Variants in COL18A1 observed in about 807,000 individuals in gnomAD.
COL18A1 encodes the protein collagen type XVIII alpha 1 chain, also known as collagen alpha-1(XVIII) chain.
In COL18A1, 133 loss-of-function variants were observed where a neutral mutation model predicts 168.0. The observed-to-expected ratio is 0.79, with a 90% confidence interval of 0.69 to 0.91. The LOEUF is 0.91. Ranked by LOEUF, COL18A1 falls within the 40% of genes least tolerant of loss-of-function variation. The pLI is 0.00. For missense variants in COL18A1, 2,126 were observed against 1,925.4 expected (o/e 1.10, Z -1.95); for synonymous variants, 949 against 809.0 (o/e 1.17, Z -2.94).
At position 45,475,473 on chromosome 21, in the gene COL18A1, C is replaced by T; in HGVS notation, c.739-3C>T. On this transcript the variant is annotated splice_region_variant and splice_polypyrimidine_tract_variant and intron_variant, in intron 4 of 41. Transcript: ENST00000651438. ...CCAGCCTTTCCCTTTTCAAACTCCTCAGGCATCCGGAGACTCTGGCAGCGG... is the reference window on the plus strand; with the variant it reads ...CCAGCCTTTCCCTTTTCAAACTCCTTAGGCATCCGGAGACTCTGGCAGCGG... The T allele has an allele frequency of 2.5e-6, 4 of 1,599,968 alleles. No individual in the cohort carries two copies. The highest frequency in any genetic ancestry group is 3.4e-6 in the Non-Finnish European group (4 of 1,174,988).
intron 2 of COL18A1, among the ~76,000 whole-genome samples, chr21:45,466,057 C>T (rs112221141): frequency 0.029 from 4,444 of 152,164 alleles, 233 homozygotes; most frequent in African/African-American, 0.1. Flanking sequence ...CCAGTCAGGC[C>T]GTGTCAGGGT....
At chr21:45,488,766 G>C (rs2036201107) in intron 18 of COL18A1, among the ~76,000 whole-genome samples, 1 of 152,118 alleles carries the variant, frequency 6.6e-6, no homozygotes, top group Non-Finnish European at 1.5e-5. Flanking sequence ...AGAACTCAGG[G>C]TCCCCACCTC....
At chr21:45,492,472 C>G (rs1556329) in intron 22 of COL18A1, 63 bp from the exon 23 acceptor site, 13 of 1,589,014 alleles carry the variant, frequency 8.2e-6, no homozygotes, top group South Asian at 2.2e-5. Context: ...GTAAGTCGCT[C>G]GAGTCCAGTT....
At chr21:45,478,072 G>A (rs2035746345) in intron 8 of COL18A1, 107 bp downstream of exon 8, 1 of 764,348 alleles carries the variant, frequency 1.3e-6, no homozygotes, top group Non-Finnish European at 2.2e-6. Flanking sequence ...CTGGGATCGG[G>A]GCAGGTCAGC....
intron 26 of COL18A1, 54 bp from the exon 27 acceptor site, chr21:45,494,491 G>T (rs1038581821): frequency 5.6e-6 from 9 of 1,612,598 alleles, no homozygotes; most frequent in Non-Finnish European, 7.6e-6. Flanking sequence ...CAGAGAGGCT[G>T]CCAGGTGGGG....
At chr21:45,512,139 C>T (rs1207927735) in intron 41 of COL18A1, 49 bp from the exon 42 acceptor site, 2 of 1,570,520 alleles carry the variant, frequency 1.3e-6, no homozygotes, top group South Asian at 2.3e-5. Flanking sequence ...GGCCTCTGCC[C>T]TAAGCAGAGC....
chr21:45,432,413 AG>A (rs956126716), intron 2 of COL18A1, among the ~76,000 whole-genome samples: 11 of 152,200 alleles, frequency 7.2e-5, no homozygotes, highest in Non-Finnish European at 1.5e-4. Flanking sequence ...ATATTTACCT[AG>A]CGGCCTCCTC....
chr21:45,408,767 A>G (rs576207036), intron 2 of COL18A1, among the ~76,000 whole-genome samples: 97 of 152,122 alleles, frequency 6.4e-4, no homozygotes, highest in African/African-American at 2.1e-3. Context: ...GCTTCTGCTC[A>G]GGAAGGAGAC....
intron 2 of COL18A1, among the ~76,000 whole-genome samples, chr21:45,422,173 C>T (rs1434283971): frequency 2.0e-5 from 3 of 152,048 alleles, no homozygotes; most frequent in African/African-American, 7.2e-5. Context: ...TGGGCTCACA[C>T]ACACACACAC....
Position 45,510,987 on chromosome 21 carries a change from CCACACACACAACACA to C in COL18A1, c.3694-122_3694-108del. Reference sequence around the variant, plus strand: ...TACACCCCCAAACACCCCCCACACCCCACACACACAACACACCCCCCCCCCACACATCCACACCCC... The same window carrying C: ...TACACCCCCAAACACCCCCCACACCCCCCCCCCCCCACACATCCACACCCC... On this transcript the variant is annotated intron_variant, in intron 40 of 41. Transcript: ENST00000651438. 1.3e-4 allele frequency: 5 copies of C among 38,668 alleles called. 2 individuals are homozygous for C. Among genetic ancestry groups the C allele is most frequent in the Non-Finnish European group, 1.0e-4 (2 of 20,004 alleles). 2.4% of individuals were successfully genotyped at this position (38,668 alleles called of 1,614,324 possible). A position where few individuals can be genotyped will look rare whatever the true frequency, so the allele number is the denominator to read the frequency against.
At chr21:45,503,478 C>A (rs931230875) in intron 32 of COL18A1, among the ~76,000 whole-genome samples, 2 of 151,908 alleles carry the variant, frequency 1.3e-5, no homozygotes, top group African/African-American at 4.8e-5. Context: ...GAGTTCATGT[C>A]CTTTGTAGGG....
At chr21:45,436,804 C>T (rs1253641748) in intron 2 of COL18A1, among the ~76,000 whole-genome samples, 1 of 145,932 alleles carries the variant, frequency 6.9e-6, no homozygotes, top group East Asian at 2.0e-4. Flanking sequence ...AGGGAGGGAG[C>T]TGTGGCTACT....
chr21:45,512,241 A>AGAG lies in COL18A1; in HGVS notation c.3864_3866dup (p.Glu1288_Ser1289insArg). ...GACCCCAACGGGCGCAGGCTGACCGAGAGCTACTGTGAGACGTGGCGGACG... is the reference window on the plus strand; with the variant it reads ...GACCCCAACGGGCGCAGGCTGACCGAGAGGAGCTACTGTGAGACGTGGCGGACG... On this transcript the variant is annotated inframe_insertion, in exon 42 of 42. Transcript: ENST00000651438. 6.2e-7 allele frequency: 1 copy of AGAG among 1,612,524 alleles called. No homozygotes were observed. The highest frequency in any genetic ancestry group is 8.5e-7 in the Non-Finnish European group (1 of 1,179,786).
intron 2 of COL18A1, among the ~76,000 whole-genome samples, chr21:45,462,579 T>C (rs1348000304): frequency 6.6e-6 from 1 of 152,246 alleles, no homozygotes; most frequent in Non-Finnish European, 1.5e-5. Context: ...TACTTTTCAG[T>C]TCTGTAATTT....
intron 24 of COL18A1, 25 bp downstream of exon 24, chr21:45,492,738 C>T: frequency 6.4e-7 from 1 of 1,558,980 alleles, no homozygotes; most frequent in Non-Finnish European, 8.7e-7. Context: ...GCCAGAGCTG[C>T]ATGCTGCCCG....
Position 45,455,789 on chromosome 21 carries a change from C to T in COL18A1, c.107-12453C>T, listed in dbSNP as rs1261174795. 9 of 1,613,540 alleles carry T rather than the reference C, an allele frequency of 5.6e-6. No homozygotes were observed. Among genetic ancestry groups the T allele is most frequent in the Non-Finnish European group, 7.6e-6 (9 of 1,180,030 alleles). On this transcript the variant is annotated intron_variant, in intron 2 of 41. Coordinates refer to ENST00000651438, the MANE Select transcript of COL18A1 (RefSeq NM_001379500.1). ...CAGCCCTGAGCCACCCTCAGAGCTGCTGGAAGATGGCCAGGACACCCCCAC... is the reference window on the plus strand; with the variant it reads ...CAGCCCTGAGCCACCCTCAGAGCTGTTGGAAGATGGCCAGGACACCCCCAC...
intron 17 of COL18A1, among the ~76,000 whole-genome samples, chr21:45,487,960 C>T (rs1247559122): frequency 6.6e-6 from 1 of 152,196 alleles, no homozygotes; most frequent in African/African-American, 2.4e-5. Flanking sequence ...TGACCAAAAT[C>T]CCAAAACAAC....
Position 45,482,059 on chromosome 21 carries a change from A to C in COL18A1, c.1674+34A>C, listed in dbSNP as rs12482088. 0.23 allele frequency: 365,416 copies of C among 1,565,148 alleles called. 42,774 individuals carry two copies. The highest frequency in any genetic ancestry group is 0.26 in the Middle Eastern group (1,530 of 5,962). ...TCCCTCGAGTCCAGGGTGAGTGGGA[A>C]CCAGCACCACACCATGTGGCCCGGG... On this transcript the variant is annotated intron_variant, in intron 14 of 41. Coordinates refer to ENST00000651438, the MANE Select transcript of COL18A1 (RefSeq NM_001379500.1).
intron 2 of COL18A1, chr21:45,421,291 G>T (rs1410060223): frequency 7.5e-6 from 3 of 399,720 alleles, no homozygotes; most frequent in Non-Finnish European, 1.5e-5. Context: ...GCCTGGTGCG[G>T]CTGGACATGG....
Sources: gnomAD v4.1 joint callset for allele counts (sites outside exome capture counted in the v4.1 genomes callset) on GRCh38, gnomAD v4.1.1 for gene constraint, MANE v1.5 for transcripts, NCBI Gene and HGNC (gene_info 2026-07-23, HGNC 2026-07-21) for gene names.